WDR33: variants seen among roughly 807,000 people sequenced by gnomAD.
WDR33 encodes pre-mRNA 3' end processing protein WDR33.
A neutral mutation model predicts 164.9 loss-of-function variants in WDR33; 47 were observed. The ratio of observed to expected loss-of-function variants is 0.29; its 90% confidence interval spans 0.23 to 0.36. The LOEUF (loss-of-function observed/expected upper bound fraction) is 0.36. WDR33 is among the 10% of genes least tolerant of loss of function. The pLI is 1.00. For missense variants in WDR33, 1,137 were observed against 1,754.1 expected, an observed-to-expected ratio of 0.65 and a Z score of 6.28; for synonymous variants, 505 against 589.0, an observed-to-expected ratio of 0.86 and a Z score of 2.06.
chr2:127,707,490 CAG>C (rs1461567920), intron 21 of WDR33, among the ~76,000 whole-genome samples: 1 of 152,198 alleles, frequency 6.6e-6, no homozygotes, highest in Non-Finnish European at 1.5e-5. Context: ...GGCACCTGGG[CAG>C]AGTGTCAGCT....
chr2:127,728,031 A>G (rs1686613269), intron 7 of WDR33, among the ~76,000 whole-genome samples: 1 of 152,220 alleles, frequency 6.6e-6, no homozygotes, highest in African/African-American at 2.4e-5. Context: ...GGTGACAACA[A>G]TCTGGAGAAC....
In WDR33 at chr2:127,741,018, G is replaced by A. The variant is rs1304642225; in HGVS notation, c.725-14241C>T. On this transcript the variant is annotated intron_variant, in intron 7 of 21. Transcript: ENST00000322313. This position sits in a 1 kb window ranked among gnomAD's most constrained non-coding sequence, Gnocchi z 4.1. ...CAAAATACATAGACTGTAGTTGTCA[G>A]TGACAAAGGTTGTGGCAAAGGCTCA... Among the ~76,000 whole-genome samples the A allele has an allele frequency of 6.6e-6, 1 of 152,210 alleles. No homozygotes were observed. Among genetic ancestry groups the A allele is most frequent in the African/African-American group, 2.4e-5 (1 of 41,454 alleles).
chr2:127,798,772 G>A (rs557534415), intron 1 of WDR33: 36 of 151,910 alleles, frequency 2.4e-4, no homozygotes, highest in African/African-American at 8.2e-4. Context: ...TAAAAAAGTC[G>A]TGAAAAAAAA....
rs1161382410 is a variant in WDR33, at chr2:127,717,267, A to C, written c.2761-4T>G. The C allele has an allele frequency of 2.5e-6, 4 of 1,569,208 alleles. No individual in the cohort carries two copies. Among genetic ancestry groups the C allele is most frequent in the Non-Finnish European group, 3.4e-6 (4 of 1,161,244 alleles). On this transcript the variant is annotated splice_region_variant and splice_polypyrimidine_tract_variant and intron_variant, in intron 16 of 21. Transcript: ENST00000322313. This position sits in a 1 kb window ranked among gnomAD's most constrained non-coding sequence, Gnocchi z 5.6. Reference sequence around the variant, plus strand: ...GGGGGCCTGTGCTCTGTCCTTCCTGAAAATATGTTTTTAAAGTAAGGGTAT... The same window carrying C: ...GGGGGCCTGTGCTCTGTCCTTCCTGCAAATATGTTTTTAAAGTAAGGGTAT...
intron 1 of WDR33, among the ~76,000 whole-genome samples, chr2:127,782,341 G>A (rs550139147): frequency 6.6e-6 from 1 of 152,174 alleles, no homozygotes; most frequent in South Asian, 2.1e-4. Flanking sequence ...CTGGGAGGCA[G>A]GGGTTGCGGC....
At chr2:127,711,781 T>TATATATATATATATATA (rs1491108798) in intron 18 of WDR33, among the ~76,000 whole-genome samples, 32 of 93,902 alleles carry the variant, frequency 3.4e-4, no homozygotes, top group African/African-American at 4.0e-4. Context: ...TATATATATA[T>TATATATATATATATATA]TTTTTTTTTG....
intron 1 of WDR33, among the ~76,000 whole-genome samples, chr2:127,801,077 G>C (rs1385728590): frequency 2.8e-5 from 4 of 144,924 alleles, no homozygotes; most frequent in African/African-American, 1.0e-4. Context: ...AGCCAGGACA[G>C]ACAACATAGT....
rs568895805 is a variant in WDR33 at position 127,708,964 on chromosome 2, G to C, written c.3566-72C>G. The C allele has an allele frequency of 2.8e-6, 4 of 1,421,524 alleles. No individual in the cohort carries two copies. The highest frequency in any genetic ancestry group is 3.7e-6 in the Non-Finnish European group (4 of 1,073,596). The allele number at this position is 1,421,524 out of a possible 1,614,324, so 88.1% of individuals were successfully genotyped here. A position where few individuals can be genotyped will look rare whatever the true frequency, so the allele number is the denominator to read the frequency against. ...GAAGTAGATGGGAATGACACTGTGAGAGTAAGGAGCAACTCGAGAGCCACC... is the reference window on the plus strand; with the variant it reads ...GAAGTAGATGGGAATGACACTGTGACAGTAAGGAGCAACTCGAGAGCCACC... On this transcript the variant is annotated intron_variant, in intron 20 of 21. Coordinates refer to ENST00000322313, the MANE Select transcript of WDR33 (RefSeq NM_018383.5). This position sits in a 1 kb window ranked among gnomAD's most constrained non-coding sequence, Gnocchi z 6.7.
intron 7 of WDR33, among the ~76,000 whole-genome samples, chr2:127,742,967 T>A (rs1687062989): frequency 6.6e-6 from 1 of 151,618 alleles, no homozygotes; most frequent in Admixed American, 6.6e-5. Flanking sequence ...CTCAGGATTA[T>A]ATTTGAGTTA....
chr2:127,729,509 T>G (rs1248468603), intron 7 of WDR33, among the ~76,000 whole-genome samples: 2 of 151,996 alleles, frequency 1.3e-5, no homozygotes, highest in Non-Finnish European at 2.9e-5. Context: ...TTTTTTTTTT[T>G]GAGATGGAGT....
Position 127,720,277 on chromosome 2 carries a change from A to G in WDR33, c.1748T>C (p.Leu583Pro), listed in dbSNP as rs948854314. Residue 583 changes from leucine to proline, a missense_variant, in exon 16 of 22, where the codon CTC becomes CCC. This residue lies in a region of WDR33 where 867 missense variants were observed against 1,073.0 expected (regional missense o/e 0.81). Coordinates refer to ENST00000322313, the MANE Select transcript of WDR33 (RefSeq NM_018383.5). The surrounding 1 kb of genome is among the most constrained non-coding windows in gnomAD (Gnocchi z 5.9). ...TTGTCCTGGAAAAGGCTGGGGTCCG[A>G]GGAGAGGGGTGCCAGATGAGGGAGG... ...QPPPSSGTPL[L>P]GPQPFPGQGP... The G allele has an allele frequency of 1.0e-5, 16 of 1,534,750 alleles. No individual in the cohort carries two copies. The highest frequency in any genetic ancestry group is 1.8e-4 in the Middle Eastern group (1 of 5,684).
In WDR33 at chr2:127,720,457, A is replaced by T; in HGVS notation, c.1672-104T>A. 7.5e-7 allele frequency: 1 copy of T among 1,331,284 alleles called. No individual in the cohort carries two copies. Among genetic ancestry groups the T allele is most frequent in the Middle Eastern group, 2.2e-4 (1 of 4,460 alleles). 82.5% of individuals were successfully genotyped at this position (1,331,284 alleles called of 1,614,324 possible). ...TCTGTTAGGGGACTCTCAAACATAA[A>T]AACTGCTCAAACTCTTCACGCTCCA... On this transcript the variant is annotated intron_variant, in intron 15 of 21. Transcript: ENST00000322313. The surrounding 1 kb of genome is among the most constrained non-coding windows in gnomAD (Gnocchi z 5.9).
At chr2:127,789,465 G>A (rs2105477206) in intron 1 of WDR33, among the ~76,000 whole-genome samples, 1 of 139,202 alleles carries the variant, frequency 7.2e-6, no homozygotes. Flanking sequence ...TCGGGAGGCT[G>A]AGGTTGGCGG....
chr2:127,802,542 A>T (rs192664727), intron 1 of WDR33, among the ~76,000 whole-genome samples: 2 of 152,218 alleles, frequency 1.3e-5, no homozygotes, highest in African/African-American at 4.8e-5. Flanking sequence ...TCGGCCTCCC[A>T]AAGTGCTGGG....
At chr2:127,765,129 T>TA in intron 5 of WDR33, 45 bp downstream of exon 5, 1 of 1,588,494 alleles carries the variant, frequency 6.3e-7, no homozygotes, top group Non-Finnish European at 8.6e-7. Context: ...CTCAAGTTCT[T>TA]TACAGTACCA....
chr2:127,733,895 G>A (rs756759850), intron 7 of WDR33, among the ~76,000 whole-genome samples: 6 of 152,128 alleles, frequency 3.9e-5, no homozygotes, highest in Non-Finnish European at 8.8e-5. Context: ...CTCTAACTCT[G>A]CAGATGAGAA....
At chr2:127,782,687 A>G (rs72968992) in intron 1 of WDR33, among the ~76,000 whole-genome samples, 2,521 of 152,288 alleles carry the variant, frequency 0.017, 19 homozygotes, top group East Asian at 0.03. Context: ...ACATAGTATT[A>G]GGTATAAGCA....
In WDR33 at chr2:127,763,408, T is replaced by C. The variant is rs975324267; in HGVS notation, c.627-249A>G. The C allele has an allele frequency of 1.5e-5, 19 of 1,272,266 alleles. No individual in the cohort carries two copies. Among genetic ancestry groups the C allele is most frequent in the African/African-American group, 6.0e-5 (4 of 66,332 alleles). The allele number at this position is 1,272,266 out of a possible 1,614,324, so 78.8% of individuals were successfully genotyped here. ...GAGAACTTCAAGTGTGTATTATTAG[T>C]GCTAATGCTATCCATGTTCCTTCTC... On this transcript the variant is annotated intron_variant, in intron 6 of 21. Coordinates refer to ENST00000322313, the MANE Select transcript of WDR33 (RefSeq NM_018383.5). The surrounding 1 kb of genome is among the most constrained non-coding windows in gnomAD (Gnocchi z 4.5).
intron 1 of WDR33, among the ~76,000 whole-genome samples, chr2:127,789,836 A>T (rs1199982979): frequency 6.9e-6 from 1 of 145,470 alleles, no homozygotes; most frequent in African/African-American, 2.8e-5. Flanking sequence ...CTGGTTTGCT[A>T]AAAAAAAATT....
Sources: gnomAD v4.1 joint callset for allele counts (sites outside exome capture counted in the v4.1 genomes callset) on GRCh38, gnomAD v4.1.1 for gene constraint, gnomAD v4.1.1 regional missense constraint, Gnocchi (gnomAD v3.1) non-coding constraint, MANE v1.5 for transcripts, NCBI Gene and HGNC (gene_info 2026-07-23, HGNC 2026-07-21) for gene names.